The following CACNA2D2 variants were observed in gnomAD, a reference collection of about 807,000 sequenced individuals.
CACNA2D2 encodes the protein calcium voltage-gated channel auxiliary subunit alpha2delta 2.
A neutral mutation model predicts 166.4 loss-of-function variants in CACNA2D2; 48 were observed. The ratio of observed to expected loss-of-function variants is 0.29; its 90% CI spans 0.23 to 0.37. CACNA2D2 has a LOEUF of 0.37. CACNA2D2 is among the 10% of genes least tolerant of loss of function. The pLI is 1.00. For synonymous variants in CACNA2D2, 561 were observed against 573.7 expected (o/e 0.98, Z 0.32); for missense variants, 1,122 against 1,433.0 (o/e 0.78, Z 3.50).
intron 17 of CACNA2D2, 126 bp downstream of exon 17, chr3:50,377,341 G>A: frequency 1.3e-6 from 1 of 749,326 alleles, no homozygotes; most frequent in Non-Finnish European, 2.2e-6. Context: ...TCCTGGGGAA[G>A]CCTTCCCCGA....
intron 3 of CACNA2D2, among the ~76,000 whole-genome samples, chr3:50,417,565 C>T (rs530138098): frequency 6.6e-6 from 1 of 152,316 alleles, no homozygotes; most frequent in African/African-American, 2.4e-5. Context: ...GGGAGGACCC[C>T]ACAGATCCTC....
At chr3:50,426,206 ACT>A (rs1707802248) in intron 3 of CACNA2D2, among the ~76,000 whole-genome samples, 1 of 151,948 alleles carries the variant, frequency 6.6e-6, no homozygotes, top group South Asian at 2.1e-4. Context: ...CTAGTCTCCG[ACT>A]CTGTTTTCTC....
At chr3:50,453,897 A>C (rs1341787339) in intron 2 of CACNA2D2, among the ~76,000 whole-genome samples, 2 of 152,052 alleles carry the variant, frequency 1.3e-5, no homozygotes, top group Non-Finnish European at 2.9e-5. Flanking sequence ...AGGTCAGGGA[A>C]GGGAGGTGTG....
intron 3 of CACNA2D2, among the ~76,000 whole-genome samples, chr3:50,398,134 C>A (rs1234468431): frequency 6.6e-6 from 1 of 152,204 alleles, no homozygotes; most frequent in African/African-American, 2.4e-5. Context: ...GGATACCACG[C>A]AGGGCAGGGA....
chr3:50,494,542 C>T (rs1422572597), intron 1 of CACNA2D2, among the ~76,000 whole-genome samples: 2 of 152,314 alleles, frequency 1.3e-5, no homozygotes, highest in Non-Finnish European at 1.5e-5. Flanking sequence ...TGAAACAGCA[C>T]AGGGACATCA....
rs1265225103 is a variant in CACNA2D2 at position 50,427,894 on chromosome 3, C to G, written c.405+6419G>C. Among the ~76,000 whole-genome samples, 3 of 152,190 alleles carry G rather than the reference C, an allele frequency of 2.0e-5. No homozygotes were observed. The highest frequency in any genetic ancestry group is 4.4e-5 in the Non-Finnish European group (3 of 68,036). On this transcript the variant is annotated intron_variant, in intron 3 of 37. Coordinates refer to ENST00000424201, the MANE Select transcript of CACNA2D2 (RefSeq NM_006030.4). This position sits in a 1 kb window ranked among gnomAD's most constrained non-coding sequence, Gnocchi z 4.7. ...GTCTCACCCTCGTCAGTGAATGCAC[C>G]CGTGGACTCAGCTGAACTGGCCTCC...
At chr3:50,451,562 C>A (rs1342012658) in intron 2 of CACNA2D2, among the ~76,000 whole-genome samples, 3 of 152,218 alleles carry the variant, frequency 2.0e-5, no homozygotes, top group Non-Finnish European at 4.4e-5. Flanking sequence ...TGAGCAGATA[C>A]CCTCTGCATG....
chr3:50,470,197 C>T, intron 2 of CACNA2D2, among the ~76,000 whole-genome samples: 1 of 152,252 alleles, frequency 6.6e-6, no homozygotes, highest in East Asian at 1.9e-4. Context: ...CCTGCCACTG[C>T]ATCTCTACCT....
intron 2 of CACNA2D2, among the ~76,000 whole-genome samples, chr3:50,463,037 G>A (rs1224899783): frequency 6.6e-6 from 1 of 152,134 alleles, no homozygotes; most frequent in Non-Finnish European, 1.5e-5. Flanking sequence ...GGCAGCAGGC[G>A]ACATCACTAC....
chr3:50,475,071 A>T (rs908011294), intron 2 of CACNA2D2, among the ~76,000 whole-genome samples: 5 of 152,142 alleles, frequency 3.3e-5, no homozygotes, highest in Non-Finnish European at 7.4e-5. Flanking sequence ...CCTGTGCCAG[A>T]GGTCCTACAT....
At chr3:50,502,404 C>G (rs1445324905) in intron 1 of CACNA2D2, among the ~76,000 whole-genome samples, 1 of 152,228 alleles carries the variant, frequency 6.6e-6, no homozygotes, top group African/African-American at 2.4e-5. Context: ...ACTCCCAGCC[C>G]CAGACACATC....
At chr3:50,452,196 C>T (rs1709132288) in intron 2 of CACNA2D2, among the ~76,000 whole-genome samples, 1 of 152,206 alleles carries the variant, frequency 6.6e-6, no homozygotes, top group African/African-American at 2.4e-5. Context: ...GATGGGCCAG[C>T]CCACCTCCAG....
At chr3:50,414,103 A>G (rs1707158963) in intron 3 of CACNA2D2, among the ~76,000 whole-genome samples, 1 of 152,258 alleles carries the variant, frequency 6.6e-6, no homozygotes, top group South Asian at 2.1e-4. Flanking sequence ...AGATAGAACC[A>G]TACCTCTGAG....
chr3:50,492,522 C>T (rs952611113), intron 1 of CACNA2D2, among the ~76,000 whole-genome samples: 1 of 152,212 alleles, frequency 6.6e-6, no homozygotes, highest in Admixed American at 6.5e-5. Flanking sequence ...CTCCAGGCCT[C>T]GGTTTCCCCA....
rs1707859876 is a variant in CACNA2D2 at position 50,427,555 on chromosome 3, T to C, written c.405+6758A>G. Among the ~76,000 whole-genome samples, 3 of 152,358 alleles carry C rather than the reference T, an allele frequency of 2.0e-5. No individual in the cohort carries two copies. The South Asian group carries it at 6.2e-4, about 32-fold the overall frequency. On this transcript the variant is annotated intron_variant, in intron 3 of 37. Transcript: ENST00000424201. The surrounding 1 kb of genome is among the most constrained non-coding windows in gnomAD (Gnocchi z 4.7). ...GAGTGGAAGGGTCAAGATCTCTTAA[T>C]GTTCATAATGGAGGGGAGGCAGAAG...
chr3:50,417,379 A>G (rs1707313935), intron 3 of CACNA2D2, among the ~76,000 whole-genome samples: 1 of 152,224 alleles, frequency 6.6e-6, no homozygotes, highest in Non-Finnish European at 1.5e-5. Flanking sequence ...TTTCTGGCCT[A>G]GGCAGGCCCT....
intron 2 of CACNA2D2, among the ~76,000 whole-genome samples, chr3:50,450,577 G>A (rs1477403236): frequency 1.3e-5 from 2 of 152,190 alleles, no homozygotes; most frequent in Non-Finnish European, 2.9e-5. Flanking sequence ...GAAAGGCGGA[G>A]GTGACATTCA....
chr3:50,453,008 A>G (rs1197352491), intron 2 of CACNA2D2, among the ~76,000 whole-genome samples: 2 of 152,194 alleles, frequency 1.3e-5, no homozygotes, highest in Non-Finnish European at 2.9e-5. Context: ...TCCTGTGTGC[A>G]AATCTTAAGA....
At chr3:50,485,699 G>A (rs1698250223) in intron 1 of CACNA2D2, among the ~76,000 whole-genome samples, 1 of 152,222 alleles carries the variant, frequency 6.6e-6, no homozygotes, top group South Asian at 2.1e-4. Context: ...CTATGCAGGG[G>A]TCGGGGGAGA....
Sources: allele counts gnomAD v4.1 joint callset (sites outside exome capture counted in the v4.1 genomes callset), GRCh38; gene constraint gnomAD v4.1.1; non-coding constraint Gnocchi (gnomAD v3.1); transcripts MANE v1.5; gene names NCBI Gene and HGNC (gene_info 2026-07-23, HGNC 2026-07-21).